CNTNAP4: variants seen among roughly 807,000 people sequenced by gnomAD.
CNTNAP4 encodes contactin associated protein family member 4.
A neutral mutation model predicts 148.4 loss-of-function variants in CNTNAP4; 98 were observed. The observed-to-expected ratio is 0.66, with a 90% CI of 0.56 to 0.78. The LOEUF (loss-of-function observed/expected upper bound fraction) is 0.78, where lower values mean the gene tolerates loss of function less well. Ranked by LOEUF, CNTNAP4 falls within the 30% of genes least tolerant of loss-of-function variation. The probability of loss-of-function intolerance (pLI) is 0.00; values close to 1 mark genes in which losing one functional copy is unlikely to be tolerated. For missense variants in CNTNAP4, 1,935 were observed against 1,565.6 expected, an observed-to-expected ratio of 1.24 and a Z score of -3.98; for synonymous variants, 730 against 565.1, an observed-to-expected ratio of 1.29 and a Z score of -4.14.
At chr16:76,299,034 TA>T (rs1353773234) in intron 1 of CNTNAP4, among the ~76,000 whole-genome samples, 4 of 152,026 alleles carry the variant, frequency 2.6e-5, no homozygotes, top group African/African-American at 7.3e-5. Flanking sequence ...TCTAAAACCA[TA>T]AAAACCCTAG....
intron 13 of CNTNAP4, among the ~76,000 whole-genome samples, chr16:76,491,973 A>C (rs983358048): frequency 6.6e-6 from 1 of 152,198 alleles, no homozygotes; most frequent in Non-Finnish European, 1.5e-5. Context: ...ACATCTCTTC[A>C]AGATACTGAA....
At chr16:76,386,736 T>C (rs1193396393) in intron 3 of CNTNAP4, among the ~76,000 whole-genome samples, 1 of 152,142 alleles carries the variant, frequency 6.6e-6, no homozygotes, top group Non-Finnish European at 1.5e-5. Context: ...ATAGGTATGA[T>C]ATCTCTATAA....
chr16:76,308,581 A>T (rs1187263770), intron 1 of CNTNAP4, among the ~76,000 whole-genome samples: 3 of 152,192 alleles, frequency 2.0e-5, no homozygotes, highest in African/African-American at 7.2e-5. Context: ...GTCCCGTGAA[A>T]CAGTATGGAA....
rs368441162 is a variant in CNTNAP4, at chr16:76,448,902, A to G, written c.878A>G (p.His293Arg). ...AACTTCACAGTGGACGAACACAGGC[A>G]TCATTTCCATGCACGGGGAGAATTC... Reference protein sequence around the residue: ...QVNFTVDEHRHHFHARGEFNL... With the variant: ...QVNFTVDEHRRHFHARGEFNL... Residue 293 changes from histidine (H) to arginine (R), a missense_variant, in exon 6 of 24, where the codon CAT becomes CGT. By Grantham distance (29) the His-to-Arg change is conservative (BLOSUM62 0). Coordinates refer to ENST00000611870, the MANE Select transcript of CNTNAP4 (RefSeq NM_033401.5). The G allele has an allele frequency of 1.9e-6, 3 of 1,613,750 alleles. No homozygotes were observed. The highest frequency in any genetic ancestry group is 1.7e-6 in the Non-Finnish European group (2 of 1,179,868).
intron 2 of CNTNAP4, among the ~76,000 whole-genome samples, chr16:76,319,626 C>T (rs756178156): frequency 6.6e-6 from 1 of 152,048 alleles, no homozygotes; most frequent in African/African-American, 2.4e-5. Flanking sequence ...GGGCTAAATC[C>T]AATGACTGGT....
intron 3 of CNTNAP4, among the ~76,000 whole-genome samples, chr16:76,398,657 C>G (rs1005018662): frequency 6.6e-6 from 1 of 152,114 alleles, no homozygotes; most frequent in Non-Finnish European, 1.5e-5. Flanking sequence ...AGAGTTATAA[C>G]AGTGTACACT....
At chr16:76,316,350 C>G in intron 1 of CNTNAP4, 63 bp from the exon 2 acceptor site, 1 of 1,026,162 alleles carries the variant, frequency 9.7e-7, no homozygotes, top group Non-Finnish European at 1.5e-6. Flanking sequence ...GTTGTTTTGT[C>G]TATTGATTCC....
chr16:76,364,600 T>TC (rs934359883), intron 3 of CNTNAP4, among the ~76,000 whole-genome samples: 2 of 152,164 alleles, frequency 1.3e-5, no homozygotes, highest in African/African-American at 4.8e-5. Context: ...GTCTTAGACA[T>TC]CTGCTTTTTG....
intron 17 of CNTNAP4, among the ~76,000 whole-genome samples, chr16:76,533,167 T>A (rs906110137): frequency 1.3e-5 from 2 of 151,952 alleles, no homozygotes; most frequent in Non-Finnish European, 2.9e-5. Context: ...TAAAAAAGAA[T>A]AAAATCCTGT....
chr16:76,535,272 TGA>T (rs2084165905), intron 17 of CNTNAP4, among the ~76,000 whole-genome samples: 1 of 152,222 alleles, frequency 6.6e-6, no homozygotes, highest in South Asian at 2.1e-4. Flanking sequence ...TTATTTTCAA[TGA>T]GAGTAGTGTA....
intron 3 of CNTNAP4, among the ~76,000 whole-genome samples, chr16:76,423,801 T>C (rs1030560671): frequency 2.6e-5 from 4 of 152,176 alleles, no homozygotes; most frequent in African/African-American, 4.8e-5. Flanking sequence ...ATATAATAAA[T>C]AGTAACTGCA....
chr16:76,364,573 C>G (rs2013874555), intron 3 of CNTNAP4, among the ~76,000 whole-genome samples: 1 of 152,040 alleles, frequency 6.6e-6, no homozygotes, highest in African/African-American at 2.4e-5. Flanking sequence ...TCCCTCTTAC[C>G]ACGGCTGCGA....
At chr16:76,457,500 C>T (rs572326310) in intron 8 of CNTNAP4, among the ~76,000 whole-genome samples, 10 of 152,302 alleles carry the variant, frequency 6.6e-5, no homozygotes, top group South Asian at 4.1e-4. Context: ...GAGTGGGTTA[C>T]TCTGGCAGTC....
intron 1 of CNTNAP4, among the ~76,000 whole-genome samples, chr16:76,300,248 G>A (rs1304940307): frequency 6.6e-6 from 1 of 152,122 alleles, no homozygotes; most frequent in Non-Finnish European, 1.5e-5. Flanking sequence ...ACATTCCATT[G>A]TTGCTTATAA....
At chr16:76,292,171 T>G (rs527278626) in intron 1 of CNTNAP4, among the ~76,000 whole-genome samples, 32 of 152,358 alleles carry the variant, frequency 2.1e-4, no homozygotes, top group African/African-American at 7.5e-4. Flanking sequence ...GTCAATGTCA[T>G]GAACTGTTCA....
intron 3 of CNTNAP4, among the ~76,000 whole-genome samples, chr16:76,412,706 C>G (rs1211052059): frequency 6.6e-6 from 1 of 151,112 alleles, no homozygotes; most frequent in East Asian, 1.9e-4. Flanking sequence ...CTTTGTAGTT[C>G]ACTATGTATT....
chr16:76,552,012 A>C (rs975187845), intron 21 of CNTNAP4, among the ~76,000 whole-genome samples: 1 of 152,232 alleles, frequency 6.6e-6, no homozygotes, highest in Admixed American at 6.5e-5. Flanking sequence ...GGTGTAATCA[A>C]CACAGTTCCA....
chr16:76,448,126 A>G lies in CNTNAP4; in HGVS notation c.653A>G (p.Asp218Gly). Reference protein sequence around the residue: ...ISLKFKTMQSDGILLHREGPN... With the variant: ...ISLKFKTMQSGGILLHREGPN... ...TTGAAATTCAAAACCATGCAGAGTG[A>G]TGGGATTCTACTCCACAGGGAAGGG... The change falls in exon 5 of 24, where the codon GAT becomes GGT. Residue 218 changes from aspartate (D) to glycine (G), a missense_variant. Coordinates refer to ENST00000611870, the MANE Select transcript of CNTNAP4 (RefSeq NM_033401.5). 6.2e-7 allele frequency: 1 copy of G among 1,613,460 alleles called. No homozygotes were observed. Among genetic ancestry groups the G allele is most frequent in the Non-Finnish European group, 8.5e-7 (1 of 1,179,454 alleles).
intron 17 of CNTNAP4, 33 bp downstream of exon 17, chr16:76,522,290 TATG>T (rs1356141953): frequency 1.3e-6 from 2 of 1,573,614 alleles, no homozygotes; most frequent in Admixed American, 1.7e-5. Context: ...CATTTTATTG[TATG>T]ATATGTGTTC....
Sources: allele counts gnomAD v4.1 joint callset (sites outside exome capture counted in the v4.1 genomes callset), GRCh38; gene constraint gnomAD v4.1.1; transcripts MANE v1.5; gene names NCBI Gene and HGNC (gene_info 2026-07-23, HGNC 2026-07-21).